The following KIAA0825 variants were observed in gnomAD, a reference collection of about 807,000 sequenced individuals.
KIAA0825 encodes the protein uncharacterized protein KIAA0825.
KIAA0825 carries 119 observed loss-of-function variants against 147.6 expected under a neutral mutation model. The ratio of observed to expected loss-of-function variants is 0.81; its 90% CI spans 0.69 to 0.94. The LOEUF (loss-of-function observed/expected upper bound fraction) is 0.94, where lower values mean the gene tolerates loss of function less well. KIAA0825 is among the 40% of genes least tolerant of loss of function. The pLI, the probability that KIAA0825 is intolerant of heterozygous loss-of-function variation, is 0.00. For synonymous variants in KIAA0825, 470 were observed against 518.1 expected, an observed-to-expected ratio of 0.91 and a Z score of 1.26; for missense variants, 1,381 against 1,472.7, an observed-to-expected ratio of 0.94 and a Z score of 1.02.
chr5:94,398,338 C>T (rs150066507), intron 16 of KIAA0825, among the ~76,000 whole-genome samples: 4 of 152,130 alleles, frequency 2.6e-5, no homozygotes, highest in African/African-American at 4.8e-5. Flanking sequence ...GTCTCTTGAG[C>T]CTTGCTGTCA....
At chr5:94,462,701 A>G in intron 11 of KIAA0825, 132 bp from the exon 12 acceptor site, 1 of 482,698 alleles carries the variant, frequency 2.1e-6, no homozygotes. Context: ...AGAACTTCAG[A>G]GATCTAAACC....
chr5:94,560,844 C>T (rs547396237), intron 2 of KIAA0825, among the ~76,000 whole-genome samples: 7 of 152,298 alleles, frequency 4.6e-5, no homozygotes, highest in South Asian at 4.1e-4. Context: ...TGCGCGTGTA[C>T]GCACACAGCA....
chr5:94,421,608 T>C (rs186660813), intron 14 of KIAA0825, among the ~76,000 whole-genome samples: 3,950 of 152,246 alleles, frequency 0.026, 79 homozygotes, highest in Non-Finnish European at 0.035. Context: ...GCTCATTTTT[T>C]CCCCCAATGT....
At chr5:94,551,868 GA>G (rs537977290) in intron 2 of KIAA0825, among the ~76,000 whole-genome samples, 113 of 151,728 alleles carry the variant, frequency 7.4e-4, no homozygotes, top group Middle Eastern at 6.8e-3. Flanking sequence ...GAAATTAAGG[GA>G]AAAAATATAT....
intron 2 of KIAA0825, among the ~76,000 whole-genome samples, chr5:94,547,078 A>T (rs1344002790): frequency 6.6e-6 from 1 of 151,964 alleles, no homozygotes; most frequent in Non-Finnish European, 1.5e-5. Context: ...TACTGAAGAG[A>T]GCATTGGAGT....
At chr5:94,604,917 A>G (rs922777137) in intron 1 of KIAA0825, among the ~76,000 whole-genome samples, 5 of 152,164 alleles carry the variant, frequency 3.3e-5, no homozygotes, top group African/African-American at 1.2e-4. Flanking sequence ...TGAAGGAGAT[A>G]GAGACAAGAA....
chr5:94,519,249 C>T (rs1767721468), intron 5 of KIAA0825: 1 of 888,228 alleles, frequency 1.1e-6, no homozygotes, highest in African/African-American at 1.8e-5. Context: ...TGAAGATACG[C>T]ACAAGTATAG....
At position 94,483,743 on chromosome 5, in the gene KIAA0825, G is replaced by A. The variant is rs563099449; in HGVS notation, c.1132+1026C>T. 7.2e-5 allele frequency among the ~76,000 whole-genome samples: 11 copies of A among 151,812 alleles called. No individual in the cohort carries two copies. In the South Asian group the frequency reaches 2.3e-3, roughly 31 times the overall value. On this transcript the variant is annotated intron_variant, in intron 6 of 20. Coordinates refer to ENST00000682413, the MANE Select transcript of KIAA0825 (RefSeq NM_001145678.3). ...GAAACAAAGAAGGCCAGTAAACTATGTTTAATGTAAAACAAAATCCAACCC... is the reference window on the plus strand; with the variant it reads ...GAAACAAAGAAGGCCAGTAAACTATATTTAATGTAAAACAAAATCCAACCC...
In KIAA0825 at chr5:94,417,208, G is replaced by A. The variant is rs1019294279; in HGVS notation, c.2655C>T (p.Asn885=). 20 of 1,550,274 alleles carry A rather than the reference G, an allele frequency of 1.3e-5. No individual in the cohort carries two copies. The highest frequency in any genetic ancestry group is 1.7e-5 in the Non-Finnish European group (19 of 1,146,160). Residue 885 remains asparagine, a synonymous_variant, in exon 15 of 21, where the codon AAC becomes AAT. Transcript: ENST00000682413. ...ACAGTAAATGTCTCATACCTGGGAT[G>A]TTATATAAAAAGTCCCATAATTGCT... is the stretch of plus-strand genomic sequence containing the variant. ...EEEQLWDFLY[N]IPVSTCVEYE...
chr5:94,273,513 A>G (rs1157367289), intron 20 of KIAA0825, among the ~76,000 whole-genome samples: 2 of 152,158 alleles, frequency 1.3e-5, no homozygotes, highest in Non-Finnish European at 2.9e-5. Flanking sequence ...GACAGTGAGC[A>G]TAGTACGCAA....
In KIAA0825 at chr5:94,557,008, C is replaced by A. The variant is rs528672192; in HGVS notation, c.-1-19881G>T. Among the ~76,000 whole-genome samples the A allele has an allele frequency of 9.3e-4, 142 of 152,302 alleles. 1 individual carries two copies. Among genetic ancestry groups the A allele is most frequent in the South Asian group, 5.8e-3 (28 of 4,834 alleles). On this transcript the variant is annotated intron_variant, in intron 2 of 20. Transcript: ENST00000682413. ...CAATCTTCCTAAATAGCACGCCTTC[C>A]TAGTTTTCCATCTTGTCACTCACAC...
intron 5 of KIAA0825, among the ~76,000 whole-genome samples, chr5:94,515,903 G>A (rs924542772): frequency 6.6e-6 from 1 of 151,920 alleles, no homozygotes; most frequent in Non-Finnish European, 1.5e-5. Context: ...GTATCTGTAA[G>A]AATAATATTG....
intron 20 of KIAA0825, among the ~76,000 whole-genome samples, chr5:94,221,197 G>C: frequency 6.6e-6 from 1 of 152,160 alleles, no homozygotes; most frequent in East Asian, 1.9e-4. Flanking sequence ...CAGGGGTAGA[G>C]CCTGCCAGGA....
At chr5:94,470,167 T>A (rs1761036475) in intron 9 of KIAA0825, 56 bp from the exon 10 acceptor site, 1 of 1,325,378 alleles carries the variant, frequency 7.5e-7, no homozygotes, top group Non-Finnish European at 1.0e-6. Context: ...CAGTAGGAGA[T>A]AACAATCTCC....
At chr5:94,308,850 A>G (rs1297794257) in intron 20 of KIAA0825, among the ~76,000 whole-genome samples, 5 of 144,184 alleles carry the variant, frequency 3.5e-5, no homozygotes, top group Non-Finnish European at 7.9e-5. Context: ...CTCCTTCCAG[A>G]GGGAGAACTC....
chr5:94,246,862 T>G (rs1230652909), intron 20 of KIAA0825, among the ~76,000 whole-genome samples: 2 of 152,172 alleles, frequency 1.3e-5, no homozygotes, highest in Admixed American at 6.6e-5. Flanking sequence ...CCACACAGTG[T>G]CAGCCTGCCT....
At chr5:94,282,522 G>A (rs1777511154) in intron 20 of KIAA0825, among the ~76,000 whole-genome samples, 1 of 152,022 alleles carries the variant, frequency 6.6e-6, no homozygotes, top group Non-Finnish European at 1.5e-5. Context: ...TAATAAATGA[G>A]TAAGGTATCA....
intron 20 of KIAA0825, among the ~76,000 whole-genome samples, chr5:94,185,012 A>G (rs895488484): frequency 6.6e-6 from 1 of 152,182 alleles, no homozygotes; most frequent in African/African-American, 2.4e-5. Context: ...TCTTGCCTAG[A>G]CTTACCAATC....
At chr5:94,219,801 A>G (rs1415584042) in intron 20 of KIAA0825, among the ~76,000 whole-genome samples, 1 of 152,180 alleles carries the variant, frequency 6.6e-6, no homozygotes, top group African/African-American at 2.4e-5. Flanking sequence ...CTTACCATGA[A>G]TAGGGCTTGC....
Sources: gnomAD v4.1 joint callset for allele counts (sites outside exome capture counted in the v4.1 genomes callset) on GRCh38, gnomAD v4.1.1 for gene constraint, MANE v1.5 for transcripts, NCBI Gene and HGNC (gene_info 2026-07-23, HGNC 2026-07-21) for gene names.